Variants in SORCS1 observed in about 807,000 individuals in gnomAD.
SORCS1 encodes VPS10 domain-containing receptor SorCS1.
SORCS1 carries 60 observed loss-of-function variants against 146.1 expected under a neutral mutation model. The observed-to-expected ratio is 0.41, with a 90% CI of 0.33 to 0.51. SORCS1 has a LOEUF of 0.51. Among genes scored for constraint, SORCS1 ranks in the 20% least tolerant of loss-of-function variants. The pLI is 0.21. For missense variants in SORCS1, 1,352 were observed against 1,487.6 expected (o/e 0.91, Z 1.50); for synonymous variants, 637 against 584.0 (o/e 1.09, Z -1.31).
At chr10:106,974,312 G>A (rs1430633046) in intron 1 of SORCS1, among the ~76,000 whole-genome samples, 1 of 152,112 alleles carries the variant, frequency 6.6e-6, no homozygotes, top group African/African-American at 2.4e-5. Flanking sequence ...GTAGGGAGAC[G>A]GGAATCTGGA....
At chr10:106,596,342 C>A (rs1017041108) in intron 24 of SORCS1, among the ~76,000 whole-genome samples, 1 of 152,232 alleles carries the variant, frequency 6.6e-6, no homozygotes, top group East Asian at 1.9e-4. Context: ...CCATGGAGCA[C>A]CAGCATGGTA....
chr10:106,874,586 C>G (rs1950534393), intron 2 of SORCS1, among the ~76,000 whole-genome samples: 1 of 152,160 alleles, frequency 6.6e-6, no homozygotes, highest in Non-Finnish European at 1.5e-5. Context: ...CAGATGAAAA[C>G]AAAACTGTGT....
At chr10:106,761,688 C>T (rs760602675) in intron 4 of SORCS1, 27 bp from the exon 5 acceptor site, 7 of 1,586,572 alleles carry the variant, frequency 4.4e-6, no homozygotes, top group Admixed American at 1.7e-5. Context: ...TTACTCAGCA[C>T]TATGGTTCTA....
Position 106,677,391 on chromosome 10 carries a change from T to C in SORCS1, c.1754A>G (p.Glu585Gly). The C allele has an allele frequency of 6.2e-7, 1 of 1,613,938 alleles. No individual in the cohort carries two copies. The highest frequency in any genetic ancestry group is 8.5e-7 in the Non-Finnish European group (1 of 1,179,842). Residue 585 changes from glutamate (E) to glycine (G), a missense_variant, in exon 13 of 26, where the codon GAG (glutamate) becomes GGG (glycine). Physicochemically the swap from Glu to Gly is moderately conservative, Grantham distance 98. Coordinates refer to ENST00000263054, the MANE Select transcript of SORCS1 (RefSeq NM_052918.5). ...TTGATCCAGGTACAAAACACTGTGC[T>C]CTTCTTCAAAGATCTGGATGAGGAA... ...GNTWRQIFEEEHSVLYLDQGG... is the reference protein window; with the variant it reads ...GNTWRQIFEEGHSVLYLDQGG...
At chr10:106,994,908 T>C (rs1184358467) in intron 1 of SORCS1, among the ~76,000 whole-genome samples, 3 of 152,218 alleles carry the variant, frequency 2.0e-5, no homozygotes, top group African/African-American at 4.8e-5. Flanking sequence ...AGTGAATCTA[T>C]CCGTTTCCTC....
chr10:107,173,953 C>T, the SORCS1 span, among the ~76,000 whole-genome samples: 33 of 152,166 alleles, frequency 2.2e-4, no homozygotes, highest in African/African-American at 7.7e-4. Flanking sequence ...CATCATAATA[C>T]ATCATAAAAC....
At chr10:107,107,489 C>A (rs1438099736) in intron 1 of SORCS1, among the ~76,000 whole-genome samples, 1 of 152,182 alleles carries the variant, frequency 6.6e-6, no homozygotes, top group East Asian at 1.9e-4. Flanking sequence ...CTGAGGAAAT[C>A]TTTAAACAAA....
chr10:106,578,989 A>G (rs899891233), intron 25 of SORCS1: 2 of 1,489,496 alleles, frequency 1.3e-6, no homozygotes, highest in African/African-American at 1.4e-5. Flanking sequence ...CAGGGGTGTT[A>G]GAGCAAAAGA....
At chr10:106,633,237 ATATATATAATATG>A (rs1262665433) in intron 18 of SORCS1, among the ~76,000 whole-genome samples, 1 of 152,208 alleles carries the variant, frequency 6.6e-6, no homozygotes, top group Non-Finnish European at 1.5e-5. Context: ...ATTTCAATAC[ATATATATAATATG>A]TAGTGATAAA....
At chr10:106,929,911 C>T (rs1031887590) in intron 2 of SORCS1, among the ~76,000 whole-genome samples, 1 of 152,188 alleles carries the variant, frequency 6.6e-6, no homozygotes, top group Non-Finnish European at 1.5e-5. Context: ...AAAATGAATG[C>T]TTGCTAACAG....
intron 14 of SORCS1, among the ~76,000 whole-genome samples, chr10:106,674,352 A>AAAAAAAAAAAAC (rs1851861612): frequency 6.9e-6 from 1 of 145,388 alleles, no homozygotes; most frequent in Non-Finnish European, 1.5e-5. Context: ...AAAAAAAAAA[A>AAAAAAAAAAAAC]AAAAAGTAGT....
At chr10:106,844,060 A>T (rs1427821420) in intron 2 of SORCS1, among the ~76,000 whole-genome samples, 1 of 152,112 alleles carries the variant, frequency 6.6e-6, no homozygotes, top group African/African-American at 2.4e-5. Flanking sequence ...TTATCTTTTG[A>T]TATTTTGATA....
chr10:106,897,912 G>T (rs1423309828), intron 2 of SORCS1, among the ~76,000 whole-genome samples: 1 of 152,202 alleles, frequency 6.6e-6, no homozygotes, highest in Non-Finnish European at 1.5e-5. Context: ...ACTTGTTAAG[G>T]TTCCTATTTT....
intron 24 of SORCS1, among the ~76,000 whole-genome samples, chr10:106,590,891 G>T (rs969358455): frequency 3.9e-5 from 6 of 152,168 alleles, no homozygotes; most frequent in Admixed American, 1.3e-4. Flanking sequence ...CTGACCTCAG[G>T]TGATCCACCC....
intron 23 of SORCS1, among the ~76,000 whole-genome samples, chr10:106,603,475 G>A (rs778529210): frequency 2.0e-5 from 3 of 152,172 alleles, no homozygotes; most frequent in Non-Finnish European, 1.5e-5. Context: ...AAGATAGCTC[G>A]ATCCAAGCCA....
intron 1 of SORCS1, among the ~76,000 whole-genome samples, chr10:107,126,947 A>G (rs1202089608): frequency 6.6e-6 from 1 of 152,202 alleles, no homozygotes; most frequent in Non-Finnish European, 1.5e-5. Flanking sequence ...GCAAGGGAAC[A>G]GCATACAACT....
rs1414727687 is a variant in SORCS1 at position 106,745,286 on chromosome 10, C to T, written c.960-15172G>A. On this transcript the variant is annotated intron_variant, in intron 5 of 25. Transcript: ENST00000263054. Reference sequence around the variant, plus strand: ...AATTAGCTGGGCATGGTGGCAGGTGCCTGTAGTCCCAGCTACTCGGGAGGC... The same window carrying T: ...AATTAGCTGGGCATGGTGGCAGGTGTCTGTAGTCCCAGCTACTCGGGAGGC... Among the ~76,000 whole-genome samples the T allele has an allele frequency of 2.6e-5, 4 of 151,988 alleles. No homozygotes were observed. The East Asian group carries it at 7.8e-4, about 29-fold the overall frequency.
chr10:106,997,355 A>T (rs560844626), intron 1 of SORCS1, among the ~76,000 whole-genome samples: 127 of 152,298 alleles, frequency 8.3e-4, no homozygotes, highest in African/African-American at 3.0e-3. Flanking sequence ...CCATGCTTGC[A>T]GCTTTGATAT....
At chr10:107,133,875 T>C (rs1168261075) in intron 1 of SORCS1, among the ~76,000 whole-genome samples, 1 of 152,244 alleles carries the variant, frequency 6.6e-6, no homozygotes, top group Non-Finnish European at 1.5e-5. Context: ...CTTTTCTGTC[T>C]GTCTAACAAA....
Sources: gnomAD v4.1 joint callset for allele counts (sites outside exome capture counted in the v4.1 genomes callset) on GRCh38, gnomAD v4.1.1 for gene constraint, MANE v1.5 for transcripts, NCBI Gene and HGNC (gene_info 2026-07-23, HGNC 2026-07-21) for gene names.